The following DOP1B variants were observed in gnomAD, a reference collection of about 807,000 sequenced individuals.
The protein encoded by DOP1B is DOP1 leucine zipper like protein B, also known as protein DOP1B.
DOP1B carries 174 observed loss-of-function variants against 233.5 expected under a neutral mutation model. The observed-to-expected ratio is 0.75, with a 90% CI of 0.66 to 0.85. The LOEUF is 0.85. DOP1B is among the 40% of genes least tolerant of loss of function. The pLI is 0.00. For synonymous variants in DOP1B, 1,190 were observed against 1,185.6 expected (o/e 1.00, Z -0.08); for missense variants, 2,652 against 2,846.6 (o/e 0.93, Z 1.56).
chr21:36,215,072 A>AT (rs1353437405), intron 9 of DOP1B, among the ~76,000 whole-genome samples: 1 of 152,142 alleles, frequency 6.6e-6, no homozygotes, highest in Non-Finnish European at 1.5e-5. Context: ...TAATTTGAAC[A>AT]TTTTTTGTTA....
chr21:36,267,338 C>T (rs188603745), intron 26 of DOP1B, among the ~76,000 whole-genome samples: 1 of 152,318 alleles, frequency 6.6e-6, no homozygotes, highest in Admixed American at 6.5e-5. Context: ...CCTAGAGAAA[C>T]CAGAAAGCCA....
At chr21:36,220,647 T>C (rs1321989365) in intron 10 of DOP1B, among the ~76,000 whole-genome samples, 2 of 149,164 alleles carry the variant, frequency 1.3e-5, no homozygotes, top group African/African-American at 4.9e-5. Flanking sequence ...ACTACAGACA[T>C]GCACCACCAT....
intron 2 of DOP1B, among the ~76,000 whole-genome samples, chr21:36,185,672 G>T (rs899699822): frequency 6.6e-6 from 1 of 152,158 alleles, no homozygotes; most frequent in Non-Finnish European, 1.5e-5. Flanking sequence ...CTGTGCCATC[G>T]CAAAAGAATA....
At chr21:36,227,132 T>C (rs990998825) in intron 12 of DOP1B, among the ~76,000 whole-genome samples, 26 of 144,480 alleles carry the variant, frequency 1.8e-4, no homozygotes, top group Admixed American at 2.8e-4. Context: ...GGTGTGAACC[T>C]GGGAGGCAGA....
intron 9 of DOP1B, among the ~76,000 whole-genome samples, chr21:36,215,565 T>C (rs2066549884): frequency 1.3e-5 from 2 of 151,752 alleles, no homozygotes; most frequent in Admixed American, 1.3e-4. Flanking sequence ...CCACCATGCC[T>C]GGCTAATTTT....
rs180928444 is a variant in DOP1B, at chr21:36,291,469, A to G, written c.6516-635A>G. Among the ~76,000 whole-genome samples the G allele has an allele frequency of 2.5e-4, 38 of 152,222 alleles. No homozygotes were observed. The East Asian group carries it at 6.9e-3, about 28-fold the overall frequency. ...CCAGCTACTCGGGAGGCTGAGGCAG[A>G]GAATTGCTTGAACCTGGGAGGTGGA... is the stretch of plus-strand genomic sequence containing the variant. On this transcript the variant is annotated intron_variant, in intron 35 of 36. Coordinates refer to ENST00000691173, the MANE Select transcript of DOP1B (RefSeq NM_001320714.2).
chr21:36,197,080 G>A (rs893847517), intron 2 of DOP1B, among the ~76,000 whole-genome samples: 6 of 151,682 alleles, frequency 4.0e-5, no homozygotes, highest in Non-Finnish European at 8.8e-5. Flanking sequence ...TTATAGGCAC[G>A]CGCCACCATG....
chr21:36,283,715 C>T (rs1437548634), intron 32 of DOP1B, among the ~76,000 whole-genome samples: 1 of 152,058 alleles, frequency 6.6e-6, no homozygotes, highest in African/African-American at 2.4e-5. Flanking sequence ...TGTTGCCTCC[C>T]TACAAAATCT....
At chr21:36,176,100 G>GTGCGTA (rs1460459412) in intron 2 of DOP1B, among the ~76,000 whole-genome samples, 1 of 97,304 alleles carries the variant, frequency 1.0e-5, no homozygotes, top group African/African-American at 3.9e-5. Flanking sequence ...GTGTGTGCGT[G>GTGCGTA]TGTGTGTGTG....
chr21:36,199,543 C>G (rs1360676843), intron 3 of DOP1B, among the ~76,000 whole-genome samples: 2 of 152,040 alleles, frequency 1.3e-5, no homozygotes, highest in African/African-American at 2.4e-5. Flanking sequence ...CCCATTAACT[C>G]GTCATTTACA....
chr21:36,208,581 G>T, intron 4 of DOP1B, 134 bp from the exon 5 acceptor site: 2 of 895,018 alleles, frequency 2.2e-6, no homozygotes, highest in Non-Finnish European at 3.3e-6. Flanking sequence ...AGCGGCTCCC[G>T]GCGATGAGGA....
chr21:36,215,121 TG>T (rs960627887), intron 9 of DOP1B, among the ~76,000 whole-genome samples: 2 of 152,216 alleles, frequency 1.3e-5, no homozygotes, highest in African/African-American at 4.8e-5. Context: ...CTACAGAACA[TG>T]TGGTATTTCC....
At chr21:36,266,742 T>C (rs1418852544) in intron 26 of DOP1B, among the ~76,000 whole-genome samples, 1 of 152,204 alleles carries the variant, frequency 6.6e-6, no homozygotes, top group Non-Finnish European at 1.5e-5. Flanking sequence ...GTTGGGGAGC[T>C]GAAGTTCTCT....
intron 4 of DOP1B, among the ~76,000 whole-genome samples, chr21:36,203,647 G>GGT (rs1555888956): frequency 2.0e-5 from 3 of 151,984 alleles, no homozygotes; most frequent in African/African-American, 4.8e-5. Context: ...GGTGCAGTGG[G>GGT]GGGGGTCATG....
At position 36,232,858 on chromosome 21, in the gene DOP1B, G is replaced by T; in HGVS notation, c.2405G>T (p.Cys802Phe). 6.2e-7 allele frequency: 1 copy of T among 1,613,682 alleles called. No homozygotes were observed. Among genetic ancestry groups the T allele is most frequent in the Non-Finnish European group, 8.5e-7 (1 of 1,179,966 alleles). The stretch of plus-strand genomic sequence containing the variant: ...CTGAAGTCCCTCATGACTATTTGCT[G>T]CTGTGTGACTGACTGCTACCTCCAG... The part of the protein sequence containing the change: ...SWLKSLMTIC[C>F]CVTDCYLQNV... Residue 802 changes from cysteine (C) to phenylalanine (F), a missense_variant, in exon 15 of 37, where the codon TGC (cysteine) becomes TTC (phenylalanine). This residue lies in a region of DOP1B where 2,617 missense variants were observed against 2,794.3 expected (regional missense o/e 0.94). Coordinates refer to ENST00000691173, the MANE Select transcript of DOP1B (RefSeq NM_001320714.2).
intron 4 of DOP1B, among the ~76,000 whole-genome samples, chr21:36,208,450 C>T (rs933716931): frequency 7.9e-5 from 12 of 152,216 alleles, no homozygotes; most frequent in Non-Finnish European, 1.3e-4. Flanking sequence ...CTGCCACGCA[C>T]GACTGCTTAG....
chr21:36,158,741 T>G lies in DOP1B; in HGVS notation c.-27+1798T>G, dbSNP rs1448091970. ...TCACTTCAATCTAGGAGGCGCAGGT[T>G]GCAGTGAGCCGAAATGGCGCCACTG... On this transcript the variant is annotated intron_variant, in intron 1 of 36. Transcript: ENST00000691173. Among the ~76,000 whole-genome samples, 13 of 145,912 alleles carry G rather than the reference T, an allele frequency of 8.9e-5. No individual in the cohort carries two copies. In the Admixed American group the frequency reaches 9.3e-4, roughly 10 times the overall value.
chr21:36,240,305 C>G (rs2066878467), intron 18 of DOP1B, among the ~76,000 whole-genome samples: 1 of 151,966 alleles, frequency 6.6e-6, no homozygotes, highest in Non-Finnish European at 1.5e-5. Context: ...TATGGTGAAA[C>G]CCCGTCTCTA....
intron 2 of DOP1B, among the ~76,000 whole-genome samples, chr21:36,176,837 G>T: frequency 6.6e-6 from 1 of 150,778 alleles, no homozygotes. Context: ...TTTCTTTTTT[G>T]AGACAGAGTC....
Sources: gnomAD v4.1 joint callset for allele counts (sites outside exome capture counted in the v4.1 genomes callset) on GRCh38, gnomAD v4.1.1 for gene constraint, gnomAD v4.1.1 regional missense constraint, MANE v1.5 for transcripts, NCBI Gene and HGNC (gene_info 2026-07-23, HGNC 2026-07-21) for gene names.